OSBPL1A: variants seen among roughly 807,000 people sequenced by gnomAD.
OSBPL1A encodes the protein oxysterol-binding protein-related protein 1.
OSBPL1A carries 80 observed loss-of-function variants against 137.1 expected under a neutral mutation model. That is an observed-to-expected ratio of 0.58 (90% CI 0.49 to 0.70). OSBPL1A has a LOEUF of 0.70. Ranked by LOEUF, OSBPL1A falls within the 30% of genes least tolerant of loss-of-function variation. The pLI, the probability that OSBPL1A is intolerant of heterozygous loss-of-function variation, is 0.00. For missense variants in OSBPL1A, 970 were observed against 1,129.4 expected, an observed-to-expected ratio of 0.86 and a Z score of 2.02; for synonymous variants, 365 against 389.7, an observed-to-expected ratio of 0.94 and a Z score of 0.75.
chr18:24,317,405 G>C lies in OSBPL1A; in HGVS notation c.733-5C>G. The C allele has an allele frequency of 6.2e-7, 1 of 1,610,872 alleles. No homozygotes were observed. Among genetic ancestry groups the C allele is most frequent in the Non-Finnish European group, 8.5e-7 (1 of 1,177,500 alleles). On this transcript the variant is annotated splice_region_variant and splice_polypyrimidine_tract_variant and intron_variant, in intron 9 of 27. Transcript: ENST00000319481. ...CCAGCCAAAAAATCTTGAACTCTAA[G>C]GGAAAAATAACAAAGATTTCCCAAG...
At chr18:24,320,336 C>T (rs971892044) in intron 7 of OSBPL1A, among the ~76,000 whole-genome samples, 4 of 152,100 alleles carry the variant, frequency 2.6e-5, no homozygotes, top group African/African-American at 9.7e-5. Flanking sequence ...AGACAATGAA[C>T]CACGGTACGC....
intron 15 of OSBPL1A, among the ~76,000 whole-genome samples, chr18:24,252,596 A>T (rs1363211245): frequency 1.3e-5 from 2 of 152,212 alleles, no homozygotes; most frequent in Non-Finnish European, 2.9e-5. Flanking sequence ...CTTTAATCTG[A>T]AAAAGGACAT....
chr18:24,203,680 A>G (rs780638238), intron 17 of OSBPL1A, among the ~76,000 whole-genome samples: 15 of 152,156 alleles, frequency 9.9e-5, no homozygotes, highest in Non-Finnish European at 1.8e-4. Flanking sequence ...ATCCATGTTA[A>G]GAAGCTGGCA....
At chr18:24,223,091 C>T (rs151049668) in intron 17 of OSBPL1A, among the ~76,000 whole-genome samples, 10 of 152,160 alleles carry the variant, frequency 6.6e-5, no homozygotes, top group Non-Finnish European at 1.5e-4. Flanking sequence ...GGTCATGTAG[C>T]AACATATGCC....
intron 2 of OSBPL1A, among the ~76,000 whole-genome samples, chr18:24,375,764 A>G (rs1221209429): frequency 6.6e-6 from 1 of 152,146 alleles, no homozygotes; most frequent in East Asian, 1.9e-4. Context: ...TCTCTTCATC[A>G]TTATCTCCAA....
chr18:24,203,402 C>T (rs1043620739), intron 17 of OSBPL1A, among the ~76,000 whole-genome samples: 2 of 152,214 alleles, frequency 1.3e-5, no homozygotes, highest in Non-Finnish European at 2.9e-5. Flanking sequence ...CCTCTTCACA[C>T]AAACAAGGGT....
intron 2 of OSBPL1A, among the ~76,000 whole-genome samples, chr18:24,372,209 A>C (rs1261584738): frequency 6.6e-6 from 1 of 151,690 alleles, no homozygotes; most frequent in African/African-American, 2.4e-5. Context: ...TGGGAGTTCA[A>C]GGCTGCAGTA....
At chr18:24,239,180 T>C in intron 16 of OSBPL1A, 40 bp downstream of exon 16, 15 of 1,602,668 alleles carry the variant, frequency 9.4e-6, no homozygotes, top group Non-Finnish European at 1.3e-5. Context: ...TGGTGGACTC[T>C]AAATCACCAA....
At chr18:24,265,517 G>C (rs940045397) in intron 15 of OSBPL1A, among the ~76,000 whole-genome samples, 1 of 151,924 alleles carries the variant, frequency 6.6e-6, no homozygotes, top group Non-Finnish European at 1.5e-5. Context: ...AATTTACTAA[G>C]AATTATGCTC....
At chr18:24,292,864 G>A (rs538517793) in intron 14 of OSBPL1A, among the ~76,000 whole-genome samples, 2 of 152,078 alleles carry the variant, frequency 1.3e-5, no homozygotes, top group Non-Finnish European at 2.9e-5. Flanking sequence ...CCAGCACTTT[G>A]GGAGGCTGAA....
At chr18:24,253,174 G>GT (rs113896463) in intron 15 of OSBPL1A, among the ~76,000 whole-genome samples, 2 of 131,758 alleles carry the variant, frequency 1.5e-5, no homozygotes, top group African/African-American at 2.7e-5. Flanking sequence ...TGGCGGGGGG[G>GT]GGCGCTGAAT....
chr18:24,313,419 C>T (rs565283149), intron 12 of OSBPL1A, among the ~76,000 whole-genome samples: 12 of 126,634 alleles, frequency 9.5e-5, no homozygotes, highest in African/African-American at 1.8e-4. Flanking sequence ...CAAGCCTGGG[C>T]GGAAAAAAAA....
At chr18:24,250,186 GTT>G (rs200198027) in intron 15 of OSBPL1A, among the ~76,000 whole-genome samples, 4,072 of 78,064 alleles carry the variant, frequency 0.052, 243 homozygotes, top group African/African-American at 0.18. Context: ...TTGTTTGTTT[GTT>G]TTTTTTGACA....
intron 14 of OSBPL1A, among the ~76,000 whole-genome samples, chr18:24,292,327 A>G (rs2146088282): frequency 6.6e-6 from 1 of 152,310 alleles, no homozygotes; most frequent in Admixed American, 6.5e-5. Flanking sequence ...CCTCTTGGCA[A>G]AAGAATGCAA....
intron 18 of OSBPL1A, among the ~76,000 whole-genome samples, chr18:24,190,920 G>A (rs2086874062): frequency 6.6e-6 from 1 of 152,198 alleles, no homozygotes; most frequent in Admixed American, 6.5e-5. Context: ...CAGACATTCT[G>A]TACTGGAATG....
At chr18:24,363,335 G>A (rs969275038) in intron 4 of OSBPL1A, among the ~76,000 whole-genome samples, 2 of 152,000 alleles carry the variant, frequency 1.3e-5, no homozygotes, top group African/African-American at 4.8e-5. Flanking sequence ...CACCTTCCTT[G>A]GCTCACAGCC....
chr18:24,231,995 T>C (rs1339892828), intron 16 of OSBPL1A, among the ~76,000 whole-genome samples: 1 of 152,320 alleles, frequency 6.6e-6, no homozygotes, highest in African/African-American at 2.4e-5. Context: ...CCCTTCCTCC[T>C]GTTACTGAAG....
At chr18:24,289,740 C>T (rs1455492060) in intron 14 of OSBPL1A, among the ~76,000 whole-genome samples, 3 of 152,132 alleles carry the variant, frequency 2.0e-5, no homozygotes, top group African/African-American at 7.2e-5. Context: ...TAAGAACACA[C>T]CCTGGAGCCA....
At chr18:24,303,791 T>C in intron 13 of OSBPL1A, 73 bp from the exon 14 acceptor site, 1 of 1,287,672 alleles carries the variant, frequency 7.8e-7, no homozygotes, top group Admixed American at 1.8e-5. Context: ...TTAGTGTTTC[T>C]ATCAAAACTT....
Sources: gnomAD v4.1 joint callset for allele counts (sites outside exome capture counted in the v4.1 genomes callset) on GRCh38, gnomAD v4.1.1 for gene constraint, MANE v1.5 for transcripts, NCBI Gene and HGNC (gene_info 2026-07-23, HGNC 2026-07-21) for gene names.